Variants in DEUP1 observed in about 807,000 individuals in gnomAD.
The protein encoded by DEUP1 is deuterosome assembly protein 1.
In DEUP1, 82 loss-of-function variants were observed where a neutral mutation model predicts 87.4. The ratio of observed to expected loss-of-function variants is 0.94; its 90% CI spans 0.78 to 1.13. The LOEUF (loss-of-function observed/expected upper bound fraction) is 1.13, where lower values mean the gene tolerates loss of function less well. DEUP1 is among the 50% of genes most tolerant of loss of function. The probability of loss-of-function intolerance (pLI) is 0.00; values close to 1 mark genes in which losing one functional copy is unlikely to be tolerated. For missense variants in DEUP1, 663 were observed against 681.5 expected, an observed-to-expected ratio of 0.97 and a Z score of 0.30; for synonymous variants, 214 against 222.7, an observed-to-expected ratio of 0.96 and a Z score of 0.35.
Position 93,332,239 on chromosome 11 carries a change from C to A in DEUP1, c.-21C>A. On this transcript the variant is annotated 5_prime_UTR_variant, in exon 2 of 14. Transcript: ENST00000298050. ...AGATTAAAAATCAAGAAATATAAAC[C>A]AGATGTAGCAGTTTCTTGACATGGA... 2 of 1,600,908 alleles carry A rather than the reference C, an allele frequency of 1.2e-6. No individual in the cohort carries two copies. The highest frequency in any genetic ancestry group is 2.3e-5 in the South Asian group (2 of 88,758).
intron 4 of DEUP1, 26 bp downstream of exon 4, chr11:93,357,069 A>G: frequency 7.5e-7 from 1 of 1,327,448 alleles, no homozygotes; most frequent in Non-Finnish European, 1.0e-6. Flanking sequence ...ATAATTTAAT[A>G]TCACACATTT....
intron 7 of DEUP1, among the ~76,000 whole-genome samples, chr11:93,373,641 A>ATACG (rs1167873182): frequency 6.2e-5 from 9 of 146,244 alleles, no homozygotes; most frequent in Non-Finnish European, 1.3e-4. Flanking sequence ...ATATATATAT[A>ATACG]TATATATATA....
chr11:93,397,210 A>G (rs190562175), intron 11 of DEUP1, among the ~76,000 whole-genome samples: 3 of 152,282 alleles, frequency 2.0e-5, no homozygotes, highest in East Asian at 3.9e-4. Flanking sequence ...CTATGATACT[A>G]TATTTCTGTG....
At chr11:93,407,426 C>T (rs1207558069) in intron 11 of DEUP1, among the ~76,000 whole-genome samples, 1 of 151,976 alleles carries the variant, frequency 6.6e-6, no homozygotes, top group East Asian at 1.9e-4. Context: ...CAGCTGATGT[C>T]GCCTTTTTCA....
At chr11:93,369,967 C>CTT in intron 5 of DEUP1, 106 bp from the exon 6 acceptor site, 1 of 498,466 alleles carries the variant, frequency 2.0e-6, no homozygotes, top group Non-Finnish European at 3.6e-6. Flanking sequence ...AATGGATTTA[C>CTT]TTTTTTTTTC....
chr11:93,365,188 ATATCT>A lies in DEUP1; in HGVS notation c.432+897_432+901del, dbSNP rs1398372178. 5.3e-5 allele frequency among the ~76,000 whole-genome samples: 8 copies of A among 152,242 alleles called. No individual in the cohort carries two copies. In the East Asian group the frequency reaches 9.6e-4, roughly 18 times the overall value. On this transcript the variant is annotated intron_variant, in intron 5 of 13. Transcript: ENST00000298050. ...AATTAAAAAGTCCTTCTACTTTAAA[ATATCT>A]TAAAGAGCAGAAAAAAATTAAATCC...
intron 4 of DEUP1, among the ~76,000 whole-genome samples, chr11:93,363,694 G>A (rs955092222): frequency 3.3e-5 from 5 of 151,864 alleles, no homozygotes; most frequent in South Asian, 4.2e-4. Flanking sequence ...TTATTTAAAC[G>A]TATCCACATG....
intron 8 of DEUP1, 91 bp from the exon 9 acceptor site, chr11:93,388,929 G>A (rs962007666): frequency 1.7e-5 from 12 of 707,118 alleles, no homozygotes; most frequent in African/African-American, 7.4e-5. Context: ...ATCTATCTCC[G>A]CAGCCTGTAA....
At chr11:93,397,751 C>T (rs190052858) in intron 11 of DEUP1, among the ~76,000 whole-genome samples, 7 of 152,196 alleles carry the variant, frequency 4.6e-5, no homozygotes, top group African/African-American at 1.7e-4. Flanking sequence ...CATATGCACA[C>T]ATAAGGAGGA....
intron 11 of DEUP1, among the ~76,000 whole-genome samples, chr11:93,406,884 A>G (rs1481752888): frequency 6.6e-6 from 1 of 152,020 alleles, no homozygotes; most frequent in Non-Finnish European, 1.5e-5. Flanking sequence ...ATAGAGTAAA[A>G]TTTGCCAGGA....
intron 2 of DEUP1, chr11:93,352,611 T>G: frequency 3.4e-6 from 2 of 583,604 alleles, no homozygotes; most frequent in Non-Finnish European, 3.0e-6. Context: ...CTGATAAAGA[T>G]GTACCTGAGA....
At chr11:93,418,136 C>G (rs10831038) in intron 13 of DEUP1, among the ~76,000 whole-genome samples, 1 of 151,642 alleles carries the variant, frequency 6.6e-6, no homozygotes, top group Non-Finnish European at 1.5e-5. Flanking sequence ...GACTTCATGT[C>G]TAAAACACCA....
chr11:93,383,634 A>G (rs1565323870), intron 7 of DEUP1: 1 of 661,970 alleles, frequency 1.5e-6, no homozygotes, highest in South Asian at 1.7e-5. Context: ...ATTTCAATGA[A>G]TATTATTAAT....
At chr11:93,395,517 CTGT>C (rs1946915142) in intron 10 of DEUP1, among the ~76,000 whole-genome samples, 1 of 152,102 alleles carries the variant, frequency 6.6e-6, no homozygotes, top group African/African-American at 2.4e-5. Flanking sequence ...TTGGTTGTAC[CTGT>C]ATAGGCAGGG....
intron 9 of DEUP1, among the ~76,000 whole-genome samples, chr11:93,390,315 T>C (rs1946728366): frequency 6.6e-6 from 1 of 152,146 alleles, no homozygotes; most frequent in South Asian, 2.1e-4. Context: ...TTGTTGAGTA[T>C]CTAGGAGAAC....
At chr11:93,375,507 T>A (rs530801071) in intron 7 of DEUP1, among the ~76,000 whole-genome samples, 1 of 152,220 alleles carries the variant, frequency 6.6e-6, no homozygotes, top group Non-Finnish European at 1.5e-5. Context: ...ATGCTGGATT[T>A]TGTCACATAA....
At chr11:93,335,192 G>C (rs1050589797) in intron 2 of DEUP1, among the ~76,000 whole-genome samples, 1 of 144,330 alleles carries the variant, frequency 6.9e-6, no homozygotes, top group Non-Finnish European at 1.6e-5. Flanking sequence ...TAATTTCAAG[G>C]GGCATTTAGT....
At chr11:93,418,715 A>G (rs1947743071) in intron 13 of DEUP1, among the ~76,000 whole-genome samples, 1 of 152,166 alleles carries the variant, frequency 6.6e-6, no homozygotes, top group Admixed American at 6.5e-5. Context: ...TCATGCTGCT[A>G]TAAAGACACA....
chr11:93,420,296 A>G (rs1216543562), intron 13 of DEUP1, among the ~76,000 whole-genome samples: 2 of 152,124 alleles, frequency 1.3e-5, no homozygotes, highest in Non-Finnish European at 2.9e-5. Context: ...GCATATAAAC[A>G]GAACCAAAGA....
Sources: allele counts gnomAD v4.1 joint callset (sites outside exome capture counted in the v4.1 genomes callset), GRCh38; gene constraint gnomAD v4.1.1; transcripts MANE v1.5; gene names NCBI Gene and HGNC (gene_info 2026-07-23, HGNC 2026-07-21).